TTC27: variants seen among roughly 807,000 people sequenced by gnomAD.
TTC27 encodes tetratricopeptide repeat protein 27.
Under a neutral mutation model 115.9 loss-of-function variants are expected in TTC27, and 79 were observed. The observed-to-expected ratio is 0.68, with a 90% confidence interval of 0.57 to 0.82. The LOEUF is 0.82. TTC27 is among the 40% of genes least tolerant of loss of function. TTC27 has a pLI of 0.00. For synonymous variants in TTC27, 401 were observed against 356.0 expected (o/e 1.13, Z -1.42); for missense variants, 1,054 against 993.1 (o/e 1.06, Z -0.82).
Position 32,633,964 on chromosome 2 carries a change from C to A in TTC27, c.355C>A (p.Gln119Lys). 6.2e-7 allele frequency: 1 copy of A among 1,613,854 alleles called. No homozygotes were observed. Among genetic ancestry groups the A allele is most frequent in the Non-Finnish European group, 8.5e-7 (1 of 1,179,856 alleles). ...GGGGCCCCCTGTTGACTTACACCCT[C>A]AGGACTTTTTGTCATCTGTTTTGTT... ...WTGPPVDLHP[Q>K]DFLSSVLFQQ... Residue 119 changes from glutamine (Q) to lysine (K), a missense_variant, in exon 3 of 20, where the codon CAG becomes AAG. By Grantham distance (53) the Gln-to-Lys change is moderately conservative. Transcript: ENST00000317907.
intron 7 of TTC27, among the ~76,000 whole-genome samples, chr2:32,667,263 G>A (rs1346893966): frequency 6.6e-6 from 1 of 151,884 alleles, no homozygotes; most frequent in East Asian, 1.9e-4. Flanking sequence ...GGTTGCCTTA[G>A]TATGTTTATT....
At chr2:32,800,911 GA>G (rs890240254) in intron 16 of TTC27, among the ~76,000 whole-genome samples, 1 of 151,996 alleles carries the variant, frequency 6.6e-6, no homozygotes, top group Non-Finnish European at 1.5e-5. Flanking sequence ...GCTTGGTGAT[GA>G]AAAAAACATT....
intron 16 of TTC27, among the ~76,000 whole-genome samples, chr2:32,797,344 A>T (rs1670742479): frequency 6.7e-6 from 1 of 148,720 alleles, no homozygotes; most frequent in Non-Finnish European, 1.5e-5. Context: ...CACATCTAAC[A>T]ATTTTTTTTT....
chr2:32,656,582 C>T (rs1665328317), intron 5 of TTC27, among the ~76,000 whole-genome samples: 1 of 152,134 alleles, frequency 6.6e-6, no homozygotes, highest in Non-Finnish European at 1.5e-5. Context: ...GCTGGATTTT[C>T]ATCTCCTTGG....
intron 4 of TTC27, among the ~76,000 whole-genome samples, chr2:32,641,309 A>T (rs1194277023): frequency 6.6e-6 from 1 of 152,196 alleles, no homozygotes; most frequent in East Asian, 1.9e-4. Context: ...GTGTTGCGCT[A>T]TTCAACTCTG....
chr2:32,694,147 A>C (rs1666905441), intron 9 of TTC27, among the ~76,000 whole-genome samples: 1 of 152,210 alleles, frequency 6.6e-6, no homozygotes, highest in Non-Finnish European at 1.5e-5. Context: ...ACTGTTCAGA[A>C]ATTTTCTTAG....
intron 10 of TTC27, among the ~76,000 whole-genome samples, chr2:32,730,510 A>G (rs905551631): frequency 2.0e-5 from 3 of 151,278 alleles, no homozygotes; most frequent in Admixed American, 6.6e-5. Flanking sequence ...GACATGCACT[A>G]TAACAATGTC....
intron 16 of TTC27, among the ~76,000 whole-genome samples, chr2:32,807,502 C>T (rs370111797): frequency 3.3e-5 from 5 of 152,010 alleles, no homozygotes; most frequent in Admixed American, 6.5e-5. Flanking sequence ...ACTGTCATAC[C>T]GGCACTTCCA....
At chr2:32,764,194 C>T (rs1173567123) in intron 13 of TTC27, among the ~76,000 whole-genome samples, 3 of 152,172 alleles carry the variant, frequency 2.0e-5, no homozygotes, top group South Asian at 2.1e-4. Context: ...GTCAACCAGT[C>T]ACTCACCTTT....
intron 13 of TTC27, among the ~76,000 whole-genome samples, chr2:32,768,264 T>C (rs1485194555): frequency 1.3e-5 from 2 of 152,230 alleles, no homozygotes; most frequent in East Asian, 3.8e-4. Context: ...ATAATTTTGT[T>C]TTTGAAAATA....
Position 32,811,257 on chromosome 2 carries a change from G to C in TTC27, c.2196+36G>C, listed in dbSNP as rs3731578. ...CATTCCTCCTGAGTCCTTGCCTTTC[G>C]TTTGAACATGTTGTAGTAGATCTAC... On this transcript the variant is annotated intron_variant, in intron 17 of 19. Transcript: ENST00000317907. 3.8e-6 allele frequency: 6 copies of C among 1,580,200 alleles called. No homozygotes were observed. In the African/African-American group the frequency reaches 6.8e-5, roughly 18 times the overall value.
At chr2:32,644,319 C>A (rs895889583) in intron 4 of TTC27, among the ~76,000 whole-genome samples, 1 of 151,098 alleles carries the variant, frequency 6.6e-6, no homozygotes, top group Non-Finnish European at 1.5e-5. Context: ...GCACCGCACT[C>A]CAGCCGAGGC....
rs940757015 is a variant in TTC27, at chr2:32,633,896, T to G, written c.287T>G (p.Leu96Arg). Residue 96 changes from leucine to arginine, a missense_variant, in exon 3 of 20, where the codon CTT (leucine) becomes CGT (arginine). By Grantham distance (102) the Leu-to-Arg change is moderately radical. Transcript: ENST00000317907. ...TTERQQLIFL[L>R]GVSSLQLFVQ... is the part of the protein sequence containing the mutation. ...TGCAGACAACAGTTGATATTTCTAC[T>G]TGGTGTGAGCAGTTTGCAACTTTTT... 1.2e-6 allele frequency: 2 copies of G among 1,613,856 alleles called. No individual in the cohort carries two copies. The highest frequency in any genetic ancestry group is 2.7e-5 in the African/African-American group (2 of 75,044).
chr2:32,738,808 C>T (rs537829897), intron 12 of TTC27, among the ~76,000 whole-genome samples: 2 of 152,112 alleles, frequency 1.3e-5, no homozygotes, highest in East Asian at 3.9e-4. Flanking sequence ...AAGCAGCAAC[C>T]AAGTGCTTTA....
rs151264467 is a variant in TTC27 at position 32,817,529 on chromosome 2, A to G, written c.2381A>G (p.Asn794Ser). The G allele has an allele frequency of 1.2e-3, 1,937 of 1,614,020 alleles. 5 individuals carry two copies. Among genetic ancestry groups the G allele is most frequent in the Admixed American group, 3.5e-3 (213 of 60,018 alleles). The part of the protein sequence containing the change: ...AVQMLSSVRL[N>S]LRGLLSKAKQ... ...CAAATGCTTTCTTCTGTTCGACTCA[A>G]TTTACGGGGCTTGTTATCTAAAGCA... is the stretch of plus-strand genomic sequence containing the variant. Residue 794 changes from asparagine to serine, a missense_variant, in exon 19 of 20, where the codon AAT (asparagine) becomes AGT (serine). Physicochemically the swap from Asn to Ser is conservative, Grantham distance 46. Coordinates refer to ENST00000317907, the MANE Select transcript of TTC27 (RefSeq NM_017735.5).
At chr2:32,664,596 G>A in intron 6 of TTC27, 129 bp downstream of exon 6, 1 of 761,236 alleles carries the variant, frequency 1.3e-6, no homozygotes, top group Non-Finnish European at 2.0e-6. Flanking sequence ...GACTTTAAAG[G>A]TTTTATTTAC....
chr2:32,690,568 A>G (rs1210771843), intron 9 of TTC27, among the ~76,000 whole-genome samples: 4 of 152,218 alleles, frequency 2.6e-5, no homozygotes, highest in Admixed American at 6.5e-5. Flanking sequence ...TTGAGTTGGA[A>G]CTTGAACAAC....
At chr2:32,719,321 G>T (rs1198633815) in intron 10 of TTC27, among the ~76,000 whole-genome samples, 1 of 152,136 alleles carries the variant, frequency 6.6e-6, no homozygotes, top group Non-Finnish European at 1.5e-5. Context: ...TAGTCATCAA[G>T]AAAAAAGGTC....
intron 5 of TTC27, among the ~76,000 whole-genome samples, chr2:32,659,969 T>C (rs1665477183): frequency 6.6e-6 from 1 of 152,236 alleles, no homozygotes; most frequent in Admixed American, 6.5e-5. Context: ...AGTGCTGCAG[T>C]AAACATATGT....
Sources: gnomAD v4.1 joint callset for allele counts (sites outside exome capture counted in the v4.1 genomes callset) on GRCh38, gnomAD v4.1.1 for gene constraint, MANE v1.5 for transcripts, NCBI Gene and HGNC (gene_info 2026-07-23, HGNC 2026-07-21) for gene names.